Variants in PPP1R9A observed in about 807,000 individuals in gnomAD.
PPP1R9A encodes the protein protein phosphatase 1 regulatory subunit 9A.
PPP1R9A carries 59 observed loss-of-function variants against 141.9 expected under a neutral mutation model. That is an observed-to-expected ratio of 0.42 (90% CI 0.34 to 0.52). PPP1R9A has a LOEUF of 0.52. PPP1R9A is among the 20% of genes least tolerant of loss of function. The pLI is 0.10. For missense variants in PPP1R9A, 1,444 were observed against 1,611.9 expected, an observed-to-expected ratio of 0.90 and a Z score of 1.78; for synonymous variants, 500 against 569.7, an observed-to-expected ratio of 0.88 and a Z score of 1.74.
chr7:95,231,519 T>G (rs184095224), intron 8 of PPP1R9A, among the ~76,000 whole-genome samples: 141 of 152,196 alleles, frequency 9.3e-4, no homozygotes, highest in African/African-American at 3.0e-3. Flanking sequence ...TCTCAGTAAA[T>G]TTAAGAAAAT....
intron 2 of PPP1R9A, among the ~76,000 whole-genome samples, chr7:95,062,857 A>T (rs552211600): frequency 6.6e-6 from 1 of 152,090 alleles, no homozygotes; most frequent in African/African-American, 2.4e-5. Flanking sequence ...TTCTTCTATT[A>T]TGAAAGGAGG....
intron 2 of PPP1R9A, among the ~76,000 whole-genome samples, chr7:95,079,523 G>C (rs1188796138): frequency 1.3e-5 from 2 of 151,842 alleles, no homozygotes; most frequent in African/African-American, 4.8e-5. Context: ...AGGAGGAACT[G>C]GTACCATTCC....
At chr7:95,267,587 T>C (rs2153043703) in intron 12 of PPP1R9A, among the ~76,000 whole-genome samples, 1 of 152,148 alleles carries the variant, frequency 6.6e-6, no homozygotes, top group East Asian at 1.9e-4. Context: ...GTAGCAAAAT[T>C]AAAGGTGGTA....
At chr7:95,230,819 C>G (rs753161236) in intron 8 of PPP1R9A, among the ~76,000 whole-genome samples, 3 of 152,056 alleles carry the variant, frequency 2.0e-5, no homozygotes, top group Non-Finnish European at 2.9e-5. Flanking sequence ...AAGCATAAAT[C>G]TCACAGGACC....
chr7:95,219,351 T>G (rs1409387954), intron 7 of PPP1R9A, among the ~76,000 whole-genome samples: 1 of 152,230 alleles, frequency 6.6e-6, no homozygotes, highest in African/African-American at 2.4e-5. Context: ...GTTAGTCTGG[T>G]GGGTTGCCCT....
intron 5 of PPP1R9A, among the ~76,000 whole-genome samples, chr7:95,174,421 TA>T (rs1832604751): frequency 6.6e-6 from 1 of 152,140 alleles, no homozygotes; most frequent in African/African-American, 2.4e-5. Flanking sequence ...AAATGTTCTA[TA>T]TTGTGATTAC....
chr7:94,927,919 A>C (rs1414582793), intron 2 of PPP1R9A, among the ~76,000 whole-genome samples: 1 of 152,166 alleles, frequency 6.6e-6, no homozygotes, highest in Non-Finnish European at 1.5e-5. Flanking sequence ...TTATTGTCAA[A>C]ATTGGGACAC....
rs144993760 is a variant in PPP1R9A at position 94,943,027 on chromosome 7, T to C, written c.1395+31519T>C. 1.5e-4 allele frequency among the ~76,000 whole-genome samples: 23 copies of C among 152,202 alleles called. No individual in the cohort carries two copies. The East Asian group carries it at 4.3e-3, about 28-fold the overall frequency. The stretch of plus-strand genomic sequence containing the variant: ...ATTCTGGGTGAGCTAAAAGATGGTC[T>C]GGAATTCATAGATCTCATTTCATCA... On this transcript the variant is annotated intron_variant, in intron 2 of 19. Coordinates refer to ENST00000433360, the MANE Select transcript of PPP1R9A (RefSeq NM_001166160.2).
chr7:95,117,378 T>C (rs1821709495), intron 3 of PPP1R9A, among the ~76,000 whole-genome samples: 1 of 152,184 alleles, frequency 6.6e-6, no homozygotes. Context: ...AACATCAGTC[T>C]TCTGGTCTCT....
At position 94,942,046 on chromosome 7, in the gene PPP1R9A, T is replaced by C. The variant is rs550913202; in HGVS notation, c.1395+30538T>C. ...GCCCGGTTTTGTGTCTAATATATAG[T>C]GCTGACTCAGAATTTTATAATTCTT... On this transcript the variant is annotated intron_variant, in intron 2 of 19. Coordinates refer to ENST00000433360, the MANE Select transcript of PPP1R9A (RefSeq NM_001166160.2). 1.9e-3 allele frequency among the ~76,000 whole-genome samples: 282 copies of C among 152,194 alleles called. 1 individual carries two copies. Among genetic ancestry groups the C allele is most frequent in the Middle Eastern group, 3.4e-3 (1 of 294 alleles).
At chr7:95,202,568 A>T in intron 6 of PPP1R9A, 5 of 893,940 alleles carry the variant, frequency 5.6e-6, no homozygotes, top group Non-Finnish European at 6.7e-6. Flanking sequence ...AATAATCTGA[A>T]AGGTTGCCAT....
At position 95,163,249 on chromosome 7, in the gene PPP1R9A, G is replaced by A. The variant is rs116735947; in HGVS notation, c.1754+1278G>A. Among the ~76,000 whole-genome samples, 1,312 of 152,182 alleles carry A rather than the reference G, an allele frequency of 8.6e-3. 15 individuals are homozygous for A. The highest frequency in any genetic ancestry group is 0.03 in the African/African-American group (1,252 of 41,522). ...CCCTTTTTTCCCCTCTGTTGACTGC[G>A]TAATCTTGTGTTATTATTTTCAGCC... On this transcript the variant is annotated intron_variant, in intron 5 of 19. Transcript: ENST00000433360.
chr7:95,010,438 T>G (rs1006184698), intron 2 of PPP1R9A, among the ~76,000 whole-genome samples: 11 of 152,178 alleles, frequency 7.2e-5, no homozygotes, highest in Admixed American at 2.0e-4. Flanking sequence ...AATAGCTTCC[T>G]TTAAATGCAG....
intron 3 of PPP1R9A, among the ~76,000 whole-genome samples, chr7:95,115,494 T>C (rs551229172): frequency 3.3e-5 from 5 of 152,178 alleles, no homozygotes; most frequent in African/African-American, 1.2e-4. Flanking sequence ...AAACTCTTCA[T>C]TTCATTGAAA....
At chr7:95,273,434 C>T (rs1016060344) in intron 14 of PPP1R9A, among the ~76,000 whole-genome samples, 2 of 152,180 alleles carry the variant, frequency 1.3e-5, no homozygotes, top group Non-Finnish European at 2.9e-5. Flanking sequence ...CTCCCAGACT[C>T]TCAGAGGTGA....
At chr7:95,186,438 GTAAACGA>G (rs1289974464) in intron 5 of PPP1R9A, among the ~76,000 whole-genome samples, 3 of 152,030 alleles carry the variant, frequency 2.0e-5, no homozygotes, top group Non-Finnish European at 2.9e-5. Flanking sequence ...TGTTTTCTAG[GTAAACGA>G]TCATATCATC....
chr7:94,954,819 A>G (rs1020989490), intron 2 of PPP1R9A, among the ~76,000 whole-genome samples: 3 of 139,178 alleles, frequency 2.2e-5, no homozygotes, highest in Admixed American at 7.3e-5. Context: ...TTTAGAATAT[A>G]TGTTTGTAAA....
chr7:95,108,264 A>G (rs917106825), intron 2 of PPP1R9A, among the ~76,000 whole-genome samples: 4 of 112,088 alleles, frequency 3.6e-5, no homozygotes, highest in African/African-American at 1.4e-4. Context: ...GTATTACATT[A>G]TTTTCTTTTT....
chr7:94,948,428 T>C (rs1325813166), intron 2 of PPP1R9A, among the ~76,000 whole-genome samples: 1 of 152,128 alleles, frequency 6.6e-6, no homozygotes, highest in East Asian at 1.9e-4. Context: ...AGCTGGAGGT[T>C]TCTATTTGGG....
Sources: gnomAD v4.1 joint callset for allele counts (sites outside exome capture counted in the v4.1 genomes callset) on GRCh38, gnomAD v4.1.1 for gene constraint, MANE v1.5 for transcripts, NCBI Gene and HGNC (gene_info 2026-07-23, HGNC 2026-07-21) for gene names.